The following ARHGEF10L variants were observed in gnomAD, a reference collection of about 807,000 sequenced individuals.
ARHGEF10L encodes Rho guanine nucleotide exchange factor 10 like.
Under a neutral mutation model 141.2 loss-of-function variants are expected in ARHGEF10L, and 69 were observed. The observed-to-expected ratio is 0.49, with a 90% confidence interval of 0.40 to 0.60. The LOEUF is 0.60. ARHGEF10L is among the 20% of genes least tolerant of loss of function. The pLI is 0.00. For missense variants in ARHGEF10L, 1,482 were observed against 1,734.3 expected, an observed-to-expected ratio of 0.85 and a Z score of 2.58; for synonymous variants, 711 against 718.5, an observed-to-expected ratio of 0.99 and a Z score of 0.17.
At chr1:17,660,349 C>T (rs1316973152) in intron 25 of ARHGEF10L, among the ~76,000 whole-genome samples, 5 of 152,130 alleles carry the variant, frequency 3.3e-5, no homozygotes, top group Admixed American at 6.5e-5. Context: ...AGAGCTTGGG[C>T]CTTTCCTTTG....
chr1:17,541,279 A>G (rs6667945), intron 1 of ARHGEF10L, among the ~76,000 whole-genome samples: 8 of 152,028 alleles, frequency 5.3e-5, no homozygotes, highest in African/African-American at 1.9e-4. Context: ...CAGGGTAGCC[A>G]CAGTGCTCTG....
intron 28 of ARHGEF10L, 139 bp downstream of exon 28, chr1:17,695,419 G>A: frequency 8.0e-7 from 1 of 1,245,072 alleles, no homozygotes; most frequent in East Asian, 2.7e-5. Flanking sequence ...CATCTCAGGT[G>A]GCATGGTGGC....
At chr1:17,668,561 G>A (rs547544147) in intron 26 of ARHGEF10L, among the ~76,000 whole-genome samples, 1 of 152,358 alleles carries the variant, frequency 6.6e-6, no homozygotes, top group African/African-American at 2.4e-5. Flanking sequence ...CTGTAAAGAA[G>A]GGGATCAATA....
At chr1:17,566,177 C>T (rs919730166) in intron 1 of ARHGEF10L, among the ~76,000 whole-genome samples, 2 of 152,178 alleles carry the variant, frequency 1.3e-5, no homozygotes, top group Admixed American at 6.5e-5. Context: ...TTCCCAACCT[C>T]GATCCATTGA....
chr1:17,632,194 G>A, intron 15 of ARHGEF10L, 127 bp from the exon 16 acceptor site: 1 of 1,210,526 alleles, frequency 8.3e-7, no homozygotes, highest in Non-Finnish European at 1.2e-6. Flanking sequence ...GGAGGGAGTG[G>A]CTTCATCTCC....
chr1:17,696,911 G>C lies in ARHGEF10L; in HGVS notation c.3371G>C (p.Ser1124Thr). 1.9e-6 allele frequency: 3 copies of C among 1,607,938 alleles called. No individual in the cohort carries two copies. Among genetic ancestry groups the C allele is most frequent in the Non-Finnish European group, 2.5e-6 (3 of 1,176,910 alleles). The change falls in exon 29 of 29, where the codon AGC becomes ACC. Residue 1124 changes from serine (S) to threonine (T), a missense_variant. Physicochemically the swap from Ser to Thr is moderately conservative, Grantham distance 58. Coordinates refer to ENST00000361221, the MANE Select transcript of ARHGEF10L (RefSeq NM_018125.4). ...GPVAFLAVAT[S>T]ILAPDILRSD... ...GTGGCCTTCCTGGCTGTGGCTACCA[G>C]CATCCTGGCCCCTGACATCCTGCGG...
At chr1:17,601,235 C>T (rs1185005236) in intron 4 of ARHGEF10L, among the ~76,000 whole-genome samples, 6 of 152,082 alleles carry the variant, frequency 3.9e-5, no homozygotes, top group Admixed American at 6.5e-5. Flanking sequence ...CATTTCATGA[C>T]GTCTTATCAG....
At chr1:17,676,195 T>C (rs2063700080) in intron 26 of ARHGEF10L, among the ~76,000 whole-genome samples, 1 of 144,466 alleles carries the variant, frequency 6.9e-6, no homozygotes, top group Non-Finnish European at 1.5e-5. Context: ...CAGGTGTAGG[T>C]GCAGGCATAG....
chr1:17,624,307 TC>T, intron 12 of ARHGEF10L, 79 bp from the exon 13 acceptor site: 1 of 1,147,484 alleles, frequency 8.7e-7, no homozygotes. Context: ...TGAGGCGGCC[TC>T]CCTGGCCCAC....
At chr1:17,545,885 G>A (rs2076897630) in intron 1 of ARHGEF10L, among the ~76,000 whole-genome samples, 1 of 152,212 alleles carries the variant, frequency 6.6e-6, no homozygotes, top group East Asian at 1.9e-4. Context: ...TGCACATGCT[G>A]CTCCTTCTAC....
intron 4 of ARHGEF10L, among the ~76,000 whole-genome samples, chr1:17,596,053 C>T (rs1446102589): frequency 3.3e-5 from 5 of 152,196 alleles, no homozygotes; most frequent in Non-Finnish European, 4.4e-5. Context: ...CTTCTTCCCC[C>T]CTCACGCCTG....
At chr1:17,526,485 C>G in the ARHGEF10L span, among the ~76,000 whole-genome samples, 1 of 152,178 alleles carries the variant, frequency 6.6e-6, no homozygotes, top group Non-Finnish European at 1.5e-5. Flanking sequence ...CTTGGTCTCA[C>G]TGAGGTGTTG....
rs181146575 is a variant in ARHGEF10L, at chr1:17,603,135, C to T, written c.350-373C>T. Among the ~76,000 whole-genome samples, 23 of 151,998 alleles carry T rather than the reference C, an allele frequency of 1.5e-4. No individual in the cohort carries two copies. The highest frequency in any genetic ancestry group is 2.2e-4 in the Non-Finnish European group (15 of 67,964). The stretch of plus-strand genomic sequence containing the variant: ...TCCAAGTCCTAGCACTGCTCAGTGA[C>T]GAGGGTCTAGCCCCGGGGTCCTGGG... On this transcript the variant is annotated intron_variant, in intron 5 of 28. Coordinates refer to ENST00000361221, the MANE Select transcript of ARHGEF10L (RefSeq NM_018125.4). This position sits in a 1 kb window ranked among gnomAD's most constrained non-coding sequence, Gnocchi z 4.8.
At chr1:17,514,906 G>A in the ARHGEF10L span, among the ~76,000 whole-genome samples, 1 of 152,118 alleles carries the variant, frequency 6.6e-6, no homozygotes, top group Non-Finnish European at 1.5e-5. Flanking sequence ...CGTGCCAGCG[G>A]CCCCGTCCAG....
chr1:17,587,091 CACAA>C (rs1304825787), intron 2 of ARHGEF10L, among the ~76,000 whole-genome samples: 2 of 152,202 alleles, frequency 1.3e-5, no homozygotes, highest in Non-Finnish European at 2.9e-5. Flanking sequence ...CACATCAACA[CACAA>C]ACATACAATA....
chr1:17,595,951 C>A (rs914061715), intron 4 of ARHGEF10L, among the ~76,000 whole-genome samples: 8 of 152,224 alleles, frequency 5.3e-5, no homozygotes, highest in Admixed American at 3.9e-4. Context: ...ACTGATACTT[C>A]ACCCTGGTCC....
intron 26 of ARHGEF10L, among the ~76,000 whole-genome samples, chr1:17,671,844 A>G (rs1414300932): frequency 1.3e-5 from 2 of 152,184 alleles, no homozygotes; most frequent in Non-Finnish European, 2.9e-5. Context: ...TTACCATCCT[A>G]TCCCCATGGC....
chr1:17,528,548 T>C, the ARHGEF10L span, among the ~76,000 whole-genome samples: 1 of 151,782 alleles, frequency 6.6e-6, no homozygotes, highest in Non-Finnish European at 1.5e-5. Flanking sequence ...CATCCACCCA[T>C]CCATCCATCC....
intron 4 of ARHGEF10L, among the ~76,000 whole-genome samples, chr1:17,588,928 T>TG (rs376735224): frequency 4.2e-3 from 16 of 3,798 alleles, no homozygotes; most frequent in East Asian, 0.029. Flanking sequence ...GGTTTGAGGG[T>TG]GGGGGGGGTG....
Sources: allele counts gnomAD v4.1 joint callset (sites outside exome capture counted in the v4.1 genomes callset), GRCh38; gene constraint gnomAD v4.1.1; non-coding constraint Gnocchi (gnomAD v3.1); transcripts MANE v1.5; gene names NCBI Gene and HGNC (gene_info 2026-07-23, HGNC 2026-07-21).